Variants in TKFC observed in about 807,000 individuals in gnomAD.
The protein encoded by TKFC is triokinase/FMN cyclase.
TKFC carries 46 observed loss-of-function variants against 61.0 expected under a neutral mutation model. The ratio of observed to expected loss-of-function variants is 0.75; its 90% CI spans 0.60 to 0.96. The LOEUF (loss-of-function observed/expected upper bound fraction) is 0.96. Among genes scored for constraint, TKFC ranks in the 50% least tolerant of loss-of-function variants. The pLI is 0.00. For missense variants in TKFC, 715 were observed against 777.5 expected (o/e 0.92, Z 0.96); for synonymous variants, 314 against 330.1 (o/e 0.95, Z 0.53).
chr11:61,343,265 A>G, intron 10 of TKFC, 77 bp from the exon 11 acceptor site: 1 of 1,375,036 alleles, frequency 7.3e-7, no homozygotes, highest in Non-Finnish European at 1.0e-6. Flanking sequence ...CCAGCTTCCA[A>G]GGTCCTTGCT....
downstream of TKFC, chr11:61,350,301 G>A (rs1857335728): frequency 6.1e-6 from 9 of 1,480,326 alleles, no homozygotes; most frequent in East Asian, 2.4e-5. Flanking sequence ...GAAGAAAGTC[G>A]CCTGCTGAAA....
chr11:61,351,280 C>CTT, downstream of TKFC: 18 of 718,866 alleles, frequency 2.5e-5, no homozygotes, highest in South Asian at 2.9e-4. Context: ...TTTTAACACC[C>CTT]TTTCTTTTTT....
Position 61,341,481 on chromosome 11 carries a change from G to A in TKFC, c.532G>A (p.Ala178Thr), listed in dbSNP as rs769822692. Residue 178 changes from alanine (A) to threonine (T), a missense_variant, in exon 6 of 18, where the codon GCA becomes ACA. Physicochemically the swap from Ala to Thr is moderately conservative, Grantham distance 58 (BLOSUM62 0). Transcript: ENST00000394900. ...AEAGVGLEEIAKQVNVVAKAM... is the reference protein window; with the variant it reads ...AEAGVGLEEITKQVNVVAKAM... ...GGCTGGTGTGGGGCTGGAGGAGATC[G>A]CAAAGCAGGTGAACGTGGTCGCCAA... 77 of 1,555,226 alleles carry A rather than the reference G, an allele frequency of 5.0e-5. No individual in the cohort carries two copies. The East Asian group carries it at 1.0e-3, about 21-fold the overall frequency.
rs1857215644 is a variant in TKFC at position 61,347,847 on chromosome 11, G to GATGAAGATGGGCC, written c.*1347_*1359dup. Reference sequence around the variant, plus strand: ...GGACATGAAAGGATTCAAATGAATTGATGAAGATGGGCCATAAAGCCCAGC... The same window carrying GATGAAGATGGGCC: ...GGACATGAAAGGATTCAAATGAATTGATGAAGATGGGCCATGAAGATGGGCCATAAAGCCCAGC... On this transcript the variant is annotated 3_prime_UTR_variant, in exon 18 of 18. Transcript: ENST00000394900. 1.0e-6 allele frequency: 1 copy of GATGAAGATGGGCC among 980,622 alleles called. No individual in the cohort carries two copies. Among genetic ancestry groups the GATGAAGATGGGCC allele is most frequent in the Non-Finnish European group, 1.2e-6 (1 of 825,650 alleles). The allele number at this position is 980,622 out of a possible 1,614,324, so 60.7% of individuals were successfully genotyped here. A position where few individuals can be genotyped will look rare whatever the true frequency, so the allele number is the denominator to read the frequency against.
chr11:61,343,279 C>G, intron 10 of TKFC, 63 bp from the exon 11 acceptor site: 1 of 1,492,018 alleles, frequency 6.7e-7, no homozygotes, highest in Non-Finnish European at 9.3e-7. Context: ...CCTTGCTTTT[C>G]TGTTGTTTTC....
downstream of TKFC, chr11:61,350,957 G>T (rs1344519389): frequency 1.9e-6 from 3 of 1,598,448 alleles, no homozygotes; most frequent in East Asian, 2.3e-5. Flanking sequence ...ACCTGGCCCT[G>T]TCCCACCCTG....
Position 61,339,771 on chromosome 11 carries a change from C to T in TKFC, c.486+336C>T, listed in dbSNP as rs1197961852. 5.3e-5 allele frequency among the ~76,000 whole-genome samples: 8 copies of T among 152,306 alleles called. No individual in the cohort carries two copies. In the East Asian group the frequency reaches 1.5e-3, roughly 29 times the overall value. ...TCTACTCATGCCTGATGGCTGCAGC[C>T]ACCTCCTCACTGGGCTCCCCTGCCT... On this transcript the variant is annotated intron_variant, in intron 5 of 17. Coordinates refer to ENST00000394900, the MANE Select transcript of TKFC (RefSeq NM_015533.4).
rs1331164998 is a variant in TKFC at position 61,348,081 on chromosome 11, C to G, written c.*1578C>G. 5.1e-6 allele frequency: 5 copies of G among 985,316 alleles called. No homozygotes were observed. Among genetic ancestry groups the G allele is most frequent in the Non-Finnish European group, 6.0e-6 (5 of 829,936 alleles). The allele number at this position is 985,316 out of a possible 1,614,324, so 61.0% of individuals were successfully genotyped here. A position where few individuals can be genotyped will look rare whatever the true frequency, so the allele number is the denominator to read the frequency against. ...GGTCCTGTCTGTCGGCTGCACCATA[C>G]GTCCCTGACCACAAGGCATCCACGT... On this transcript the variant is annotated 3_prime_UTR_variant, in exon 18 of 18. Transcript: ENST00000394900.
rs1590582509 is a variant in TKFC at position 61,346,345 on chromosome 11, C to G, written c.1576-6C>G. ...CTTGAACCTGCTCCCACACCCCATC[C>G]CCCAGAGTGCCGAAGCTGCAGCCGA... On this transcript the variant is annotated splice_polypyrimidine_tract_variant and splice_region_variant and intron_variant, in intron 17 of 17. Coordinates refer to ENST00000394900, the MANE Select transcript of TKFC (RefSeq NM_015533.4). The surrounding 1 kb of genome is among the most constrained non-coding windows in gnomAD (Gnocchi z 4.1). The G allele has an allele frequency of 3.7e-6, 6 of 1,612,354 alleles. No individual in the cohort carries two copies. In the East Asian group the frequency reaches 1.3e-4, roughly 36 times the overall value.
chr11:61,353,149 AAAGG>A, downstream of TKFC: 3 of 1,595,910 alleles, frequency 1.9e-6, no homozygotes, highest in Non-Finnish European at 2.6e-6. Flanking sequence ...ACTGTGGACA[AAAGG>A]GAGGACACAC....
rs1444193704 is a variant in TKFC, at chr11:61,340,263, C to T, written c.486+828C>T. Among the ~76,000 whole-genome samples the T allele has an allele frequency of 7.2e-5, 11 of 151,776 alleles. No homozygotes were observed. The South Asian group carries it at 8.4e-4, about 12-fold the overall frequency. On this transcript the variant is annotated intron_variant, in intron 5 of 17. Transcript: ENST00000394900. Reference sequence around the variant, plus strand: ...CTGACCTCAAGTGATCTGCCCGCCTCGGCCTCCCAAAGTGCTGGGATGACG... The same window carrying T: ...CTGACCTCAAGTGATCTGCCCGCCTTGGCCTCCCAAAGTGCTGGGATGACG...
chr11:61,338,222 C>G, intron 3 of TKFC, 92 bp downstream of exon 3: 1 of 1,281,840 alleles, frequency 7.8e-7, no homozygotes, highest in Non-Finnish European at 1.0e-6. Context: ...CAGGATGGAG[C>G]TCAGCCCAGA....
intron 3 of TKFC, 105 bp downstream of exon 3, chr11:61,338,235 C>T (rs1387321743): frequency 3.5e-6 from 4 of 1,157,716 alleles, no homozygotes; most frequent in Non-Finnish European, 4.6e-6. Flanking sequence ...AGCCCAGAAT[C>T]AGGAACTGGG....
At position 61,341,891 on chromosome 11, in the gene TKFC, G is replaced by T; in HGVS notation, c.634G>T (p.Asp212Tyr). The change falls in exon 7 of 18, where the codon GAC becomes TAC. Residue 212 changes from aspartate to tyrosine, a missense_variant. Transcript: ENST00000394900. ...CAAACCCACCTTCGAGCTCTCAGCC[G>T]ACGAGGTGGAGCTGGGCCTGGGTAA... is the stretch of plus-strand genomic sequence containing the variant. Reference protein sequence around the residue: ...GSKPTFELSADEVELGLGIHG... With the variant: ...GSKPTFELSAYEVELGLGIHG... 1 of 1,613,526 alleles carries T rather than the reference G, an allele frequency of 6.2e-7. No homozygotes were observed. The highest frequency in any genetic ancestry group is 1.3e-5 in the African/African-American group (1 of 75,004).
rs1298325663 is a variant in TKFC, at chr11:61,339,077, A to G, written c.205A>G (p.Lys69Glu). 2 of 1,612,872 alleles carry G rather than the reference A, an allele frequency of 1.2e-6. No individual in the cohort carries two copies. The highest frequency in any genetic ancestry group is 2.2e-5 in the East Asian group (1 of 44,866). ...HEPAHAGFIGKGMLTGVIAGA... is the reference protein window; with the variant it reads ...HEPAHAGFIGEGMLTGVIAGA... ...CCTTCCACCTCCAGGTTTCATAGGGAAGGGGATGCTGACTGGGGTCATCGC... is the reference window on the plus strand; with the variant it reads ...CCTTCCACCTCCAGGTTTCATAGGGGAGGGGATGCTGACTGGGGTCATCGC... The change falls in exon 4 of 18, where the codon AAG becomes GAG. Residue 69 changes from lysine to glutamate, a missense_variant. Transcript: ENST00000394900.
chr11:61,339,990 TTTTC>T (rs1488381336), intron 5 of TKFC, among the ~76,000 whole-genome samples: 1 of 151,520 alleles, frequency 6.6e-6, no homozygotes, highest in Non-Finnish European at 1.5e-5. Flanking sequence ...CTTTTTTTTA[TTTTC>T]TTTTATTTAT....
downstream of TKFC, chr11:61,351,189 C>T (rs1857390614): frequency 6.4e-7 from 1 of 1,566,262 alleles, no homozygotes; most frequent in South Asian, 1.2e-5. Context: ...GAGATTTTTC[C>T]ACCTATTTTT....
intron 3 of TKFC, among the ~76,000 whole-genome samples, chr11:61,338,661 G>A (rs1263576140): frequency 6.6e-6 from 1 of 152,168 alleles, no homozygotes; most frequent in Non-Finnish European, 1.5e-5. Flanking sequence ...AGCCCACTGT[G>A]TACCTGGCGC....
downstream of TKFC, chr11:61,349,327 C>T (rs1857287877): frequency 9.4e-6 from 5 of 531,292 alleles, no homozygotes; most frequent in Non-Finnish European, 1.7e-5. Context: ...GTGGCAGTGG[C>T]TCCCAGGGCT....
Sources: allele counts gnomAD v4.1 joint callset (sites outside exome capture counted in the v4.1 genomes callset), GRCh38; gene constraint gnomAD v4.1.1; non-coding constraint Gnocchi (gnomAD v3.1); transcripts MANE v1.5; gene names NCBI Gene and HGNC (gene_info 2026-07-23, HGNC 2026-07-21).